Variants in RBFOX1 observed in about 807,000 individuals in gnomAD.
The protein encoded by RBFOX1 is RNA binding fox-1 homolog 1.
Under a neutral mutation model 57.7 loss-of-function variants are expected in RBFOX1, and 8 were observed. The observed-to-expected ratio is 0.14, with a 90% CI of 0.08 to 0.25. The LOEUF is 0.25. Ranked by LOEUF, RBFOX1 falls within the 10% of genes least tolerant of loss-of-function variation. The pLI, the probability that RBFOX1 is intolerant of heterozygous loss-of-function variation, is 1.00. For synonymous variants in RBFOX1, 326 were observed against 222.4 expected (o/e 1.47, Z -4.15); for missense variants, 611 against 548.5 (o/e 1.11, Z -1.14).
chr16:6,344,779 C>T (rs1399616334), intron 2 of RBFOX1, among the ~76,000 whole-genome samples: 1 of 148,688 alleles, frequency 6.7e-6, no homozygotes, highest in Non-Finnish European at 1.5e-5. Flanking sequence ...CAACCTCCAC[C>T]ACCTGGGTTC....
chr16:5,554,388 A>G (rs2045590111), intron 2 of RBFOX1, among the ~76,000 whole-genome samples: 4 of 152,330 alleles, frequency 2.6e-5, no homozygotes, highest in Admixed American at 2.6e-4. Context: ...ATATGTTTTA[A>G]AAATAAAAAA....
intron 4 of RBFOX1, among the ~76,000 whole-genome samples, chr16:7,068,874 C>A (rs1195041656): frequency 6.6e-6 from 1 of 152,218 alleles, no homozygotes; most frequent in African/African-American, 2.4e-5. Context: ...CAGGCATGAG[C>A]CACCGCGCCC....
At chr16:6,140,187 CTTTT>C (rs5815288) in intron 1 of RBFOX1, among the ~76,000 whole-genome samples, 1 of 137,294 alleles carries the variant, frequency 7.3e-6, no homozygotes, top group African/African-American at 2.7e-5. Flanking sequence ...CTGGAAATGA[CTTTT>C]TTTTTTTTTT....
intron 4 of RBFOX1, among the ~76,000 whole-genome samples, chr16:7,357,359 C>G (rs2097236545): frequency 6.6e-6 from 1 of 151,874 alleles, no homozygotes; most frequent in African/African-American, 2.4e-5. Context: ...ATGATGAAAA[C>G]AAAAGATTCC....
intron 2 of RBFOX1, among the ~76,000 whole-genome samples, chr16:6,589,655 C>G (rs1171578369): frequency 6.6e-6 from 1 of 152,228 alleles, no homozygotes; most frequent in Non-Finnish European, 1.5e-5. Context: ...ATCATAATTT[C>G]TAATCTTGTG....
chr16:7,366,380 T>A (rs1596545968), intron 4 of RBFOX1, among the ~76,000 whole-genome samples: 1 of 152,194 alleles, frequency 6.6e-6, no homozygotes, highest in African/African-American at 2.4e-5. Flanking sequence ...TGTGCATGTT[T>A]CCAGGGAAGC....
chr16:5,357,136 C>A (rs75739547), intron 1 of RBFOX1, among the ~76,000 whole-genome samples: 2 of 152,140 alleles, frequency 1.3e-5, no homozygotes, highest in South Asian at 4.1e-4. Context: ...GTTGAGTGCA[C>A]CTCTTGGGCT....
intron 2 of RBFOX1, among the ~76,000 whole-genome samples, chr16:6,458,733 A>G (rs1227455837): frequency 6.6e-6 from 1 of 152,258 alleles, no homozygotes; most frequent in African/African-American, 2.4e-5. Flanking sequence ...GTAAGGAATG[A>G]AAAACGGTAT....
chr16:7,633,024 G>T (rs901188828), intron 11 of RBFOX1, among the ~76,000 whole-genome samples: 1 of 152,134 alleles, frequency 6.6e-6, no homozygotes, highest in Non-Finnish European at 1.5e-5. Context: ...GAAGCATAGA[G>T]AGAAAATGAA....
At chr16:5,728,022 T>G (rs1030470739) in intron 3 of RBFOX1, among the ~76,000 whole-genome samples, 5 of 152,230 alleles carry the variant, frequency 3.3e-5, no homozygotes, top group Admixed American at 2.6e-4. Context: ...CTTCTTTAGA[T>G]TCTAAATATA....
At position 7,635,400 on chromosome 16, in the gene RBFOX1, T is replaced by A. The variant is rs540543786; in HGVS notation, c.757+4717T>A. 9.2e-5 allele frequency among the ~76,000 whole-genome samples: 14 copies of A among 152,346 alleles called. No individual in the cohort carries two copies. The South Asian group carries it at 1.9e-3, about 20-fold the overall frequency. On this transcript the variant is annotated intron_variant, in intron 11 of 15. Coordinates refer to ENST00000550418, the MANE Select transcript of RBFOX1 (RefSeq NM_018723.4). ...AAATTACAATAGTAACAGGTGCTCA[T>A]TGCAATCAATGTGAAGTGTGCAAAT...
chr16:5,467,439 A>G (rs993351993), intron 2 of RBFOX1, among the ~76,000 whole-genome samples: 4 of 152,180 alleles, frequency 2.6e-5, no homozygotes, highest in African/African-American at 9.7e-5. Context: ...GGCTCATGAG[A>G]TCAAACATAC....
In RBFOX1 at chr16:5,852,181, T is replaced by C. The variant is rs1011756115; in HGVS notation, c.319-15122T>C. ...TAATATTGCAGGGAAAGCTTCCTTA[T>C]CTTCCAAGATCGTGCCTTCAAGTTC... On this transcript the variant is annotated intron_variant, in intron 3 of 19. Coordinates refer to the RBFOX1 transcript ENST00000641259. Among the ~76,000 whole-genome samples the C allele has an allele frequency of 2.0e-5, 3 of 152,184 alleles. No individual in the cohort carries two copies. In the East Asian group the frequency reaches 5.8e-4, roughly 29 times the overall value.
At chr16:5,405,927 A>G (rs937482935) in intron 1 of RBFOX1, among the ~76,000 whole-genome samples, 3 of 152,122 alleles carry the variant, frequency 2.0e-5, no homozygotes, top group Non-Finnish European at 4.4e-5. Flanking sequence ...GTCAGTAGGG[A>G]GAACGCTCTG....
chr16:7,017,059 T>C (rs549508856), intron 3 of RBFOX1, among the ~76,000 whole-genome samples: 8 of 152,318 alleles, frequency 5.3e-5, no homozygotes, highest in Non-Finnish European at 1.0e-4. Context: ...CTTTTTTTAT[T>C]GTTCCATGTT....
At chr16:6,109,897 G>C (rs183956473) in intron 1 of RBFOX1, among the ~76,000 whole-genome samples, 1 of 152,104 alleles carries the variant, frequency 6.6e-6, no homozygotes, top group Non-Finnish European at 1.5e-5. Context: ...TTGTTGAACT[G>C]AATCAAATGC....
At chr16:7,558,670 C>G (rs1018312786) in intron 5 of RBFOX1, among the ~76,000 whole-genome samples, 5 of 151,362 alleles carry the variant, frequency 3.3e-5, no homozygotes, top group Admixed American at 3.3e-4. Context: ...AAATCAGTAT[C>G]AACAAACTTC....
chr16:6,137,366 G>A (rs887178900), intron 1 of RBFOX1, among the ~76,000 whole-genome samples: 2 of 152,070 alleles, frequency 1.3e-5, no homozygotes, highest in African/African-American at 4.8e-5. Flanking sequence ...GTGTAGTGGC[G>A]TGATCCCGGC....
rs184213937 is a variant in RBFOX1, at chr16:5,645,537, T to C, written c.318+46576T>C. 1.4e-4 allele frequency among the ~76,000 whole-genome samples: 22 copies of C among 152,366 alleles called. 1 individual carries two copies. The highest frequency in any genetic ancestry group is 1.1e-3 in the Admixed American group (17 of 15,302). The stretch of plus-strand genomic sequence containing the variant: ...GAATGGTTCACTTTAAAGTGCTTAA[T>C]TTTCTATTTATGTAAATTGTTATAT... On this transcript the variant is annotated intron_variant, in intron 3 of 19. Transcript: ENST00000641259.
Sources: gnomAD v4.1 joint callset for allele counts (sites outside exome capture counted in the v4.1 genomes callset) on GRCh38, gnomAD v4.1.1 for gene constraint, MANE v1.5 for transcripts, NCBI Gene and HGNC (gene_info 2026-07-23, HGNC 2026-07-21) for gene names.